ARHGAP10: variants seen among roughly 807,000 people sequenced by gnomAD.
ARHGAP10 encodes the protein rho GTPase-activating protein 10.
In ARHGAP10, 87 loss-of-function variants were observed where a neutral mutation model predicts 108.6. The observed-to-expected ratio is 0.80, with a 90% confidence interval of 0.67 to 0.96. ARHGAP10 has a LOEUF of 0.96. ARHGAP10 is among the 40% of genes least tolerant of loss of function. ARHGAP10 has a pLI of 0.00. For missense variants in ARHGAP10, 939 were observed against 954.5 expected (o/e 0.98, Z 0.21); for synonymous variants, 347 against 341.1 (o/e 1.02, Z -0.19).
intron 10 of ARHGAP10, among the ~76,000 whole-genome samples, chr4:147,885,798 C>T (rs1391778339): frequency 6.6e-6 from 1 of 152,196 alleles, no homozygotes; most frequent in African/African-American, 2.4e-5. Context: ...CTGTATCCAT[C>T]CATTCTCATG....
At chr4:147,861,896 A>G (rs1365994252) in intron 5 of ARHGAP10, 3 of 152,190 alleles carry the variant, frequency 2.0e-5, no homozygotes, top group African/African-American at 7.2e-5. Flanking sequence ...AAGCACCGTA[A>G]GTTTTCATCC....
At chr4:147,753,676 G>A (rs994785554) in intron 1 of ARHGAP10, among the ~76,000 whole-genome samples, 7 of 152,110 alleles carry the variant, frequency 4.6e-5, no homozygotes, top group African/African-American at 1.7e-4. Context: ...TCTTATGTTT[G>A]TTTGCAGTGA....
intron 22 of ARHGAP10, among the ~76,000 whole-genome samples, chr4:148,070,202 T>A (rs1730106002): frequency 6.6e-6 from 1 of 152,058 alleles, no homozygotes; most frequent in South Asian, 2.1e-4. Context: ...ACACAGAACA[T>A]GTAGGGTGCA....
chr4:147,908,965 C>T (rs777108178), intron 11 of ARHGAP10, among the ~76,000 whole-genome samples: 6 of 152,062 alleles, frequency 3.9e-5, no homozygotes, highest in South Asian at 2.1e-4. Flanking sequence ...GAAAACACAG[C>T]GCACTATCTG....
intron 1 of ARHGAP10, among the ~76,000 whole-genome samples, chr4:147,804,784 CTT>C (rs889447241): frequency 3.9e-5 from 6 of 152,064 alleles, no homozygotes; most frequent in African/African-American, 1.4e-4. Flanking sequence ...TGTATGTCGT[CTT>C]TTGAAAAGTT....
At chr4:147,781,462 C>T (rs558314092) in intron 1 of ARHGAP10, among the ~76,000 whole-genome samples, 45 of 152,218 alleles carry the variant, frequency 3.0e-4, no homozygotes, top group Admixed American at 7.9e-4. Context: ...TTTAAAAATA[C>T]GGGGAGCTAC....
At chr4:147,904,042 C>G (rs1180023853) in intron 10 of ARHGAP10, among the ~76,000 whole-genome samples, 2 of 152,140 alleles carry the variant, frequency 1.3e-5, no homozygotes, top group Non-Finnish European at 2.9e-5. Context: ...AACAACCAGA[C>G]TTTGAAAGTG....
At chr4:147,932,410 T>C (rs1271102062) in intron 13 of ARHGAP10, among the ~76,000 whole-genome samples, 1 of 152,110 alleles carries the variant, frequency 6.6e-6, no homozygotes, top group African/African-American at 2.4e-5. Context: ...CAAATGCCCA[T>C]CAATGATAGA....
At chr4:147,849,155 T>A (rs541811871) in intron 4 of ARHGAP10, among the ~76,000 whole-genome samples, 21 of 152,194 alleles carry the variant, frequency 1.4e-4, no homozygotes, top group Non-Finnish European at 2.6e-4. Flanking sequence ...AGAAAGGTGG[T>A]TGTCTGTGTT....
At chr4:148,069,029 A>G (rs1200111430) in intron 22 of ARHGAP10, among the ~76,000 whole-genome samples, 2 of 152,148 alleles carry the variant, frequency 1.3e-5, no homozygotes, top group East Asian at 1.9e-4. Flanking sequence ...TGAGACTGCC[A>G]TGTTCTCCAC....
intron 7 of ARHGAP10, among the ~76,000 whole-genome samples, chr4:147,868,938 C>T (rs1253575611): frequency 1.3e-5 from 2 of 152,054 alleles, no homozygotes; most frequent in Admixed American, 1.3e-4. Flanking sequence ...GGGTTGGGGA[C>T]CCCTGCTTGA....
intron 7 of ARHGAP10, among the ~76,000 whole-genome samples, chr4:147,870,519 T>C (rs1734771948): frequency 6.6e-6 from 1 of 151,962 alleles, no homozygotes; most frequent in East Asian, 1.9e-4. Context: ...AAACCTATTT[T>C]TCCCCATCTG....
In ARHGAP10 at chr4:147,857,555, A is replaced by G; in HGVS notation, c.387A>G (p.Glu129=). The change falls in exon 5 of 23, where the codon GAA becomes GAG. Residue 129 remains glutamate, a splice_region_variant and synonymous_variant. Transcript: ENST00000336498. The stretch of plus-strand genomic sequence containing the variant: ...CATAGTTTTTTTTTTATTTGTAGGA[A>G]GAAAAAAAGAAGTTTGACAAAGAGA... ...FRKEQLGAVK[E]EKKKFDKETE... 1.4e-6 allele frequency: 2 copies of G among 1,465,960 alleles called. No individual in the cohort carries two copies. The highest frequency in any genetic ancestry group is 1.8e-6 in the Non-Finnish European group (2 of 1,108,460). 90.8% of individuals were successfully genotyped at this position (1,465,960 alleles called of 1,614,324 possible). A position where few individuals can be genotyped will look rare whatever the true frequency, so the allele number is the denominator to read the frequency against.
At chr4:147,794,555 A>C (rs2126751155) in intron 1 of ARHGAP10, among the ~76,000 whole-genome samples, 1 of 152,320 alleles carries the variant, frequency 6.6e-6, no homozygotes, top group East Asian at 1.9e-4. Flanking sequence ...CAGGGCTTCA[A>C]AGCCCCCAAG....
chr4:147,866,633 G>A (rs908877316), intron 6 of ARHGAP10, 79 bp from the exon 7 acceptor site: 49 of 996,226 alleles, frequency 4.9e-5, no homozygotes, highest in Non-Finnish European at 7.6e-5. Flanking sequence ...ATGGCGGGGG[G>A]AACACTTGGT....
At chr4:147,854,861 T>C (rs1353907554) in intron 4 of ARHGAP10, 1 of 985,398 alleles carries the variant, frequency 1.0e-6, no homozygotes, top group Non-Finnish European at 1.2e-6. Context: ...GATGTTGTTA[T>C]TGTTGTTTCT....
intron 20 of ARHGAP10, among the ~76,000 whole-genome samples, chr4:148,051,830 T>C (rs544630260): frequency 6.6e-6 from 1 of 152,366 alleles, no homozygotes; most frequent in Admixed American, 6.5e-5. Flanking sequence ...TATACAGCCT[T>C]GTGCATGTCA....
intron 1 of ARHGAP10, among the ~76,000 whole-genome samples, chr4:147,784,825 A>T (rs1368042005): frequency 6.5e-5 from 2 of 30,586 alleles, no homozygotes; most frequent in Non-Finnish European, 2.5e-4. Context: ...TAAAATATAT[A>T]TTATAAATAT....
chr4:148,061,250 T>C (rs1274391031), intron 20 of ARHGAP10, among the ~76,000 whole-genome samples: 2 of 152,162 alleles, frequency 1.3e-5, no homozygotes, highest in East Asian at 1.9e-4. Context: ...ATGGCAGTCA[T>C]TGACGATTTA....
Sources: gnomAD v4.1 joint callset for allele counts (sites outside exome capture counted in the v4.1 genomes callset) on GRCh38, gnomAD v4.1.1 for gene constraint, MANE v1.5 for transcripts, NCBI Gene and HGNC (gene_info 2026-07-23, HGNC 2026-07-21) for gene names.